Variants in FERMT1 observed in about 807,000 individuals in gnomAD.
FERMT1 encodes the protein fermitin family homolog 1.
In FERMT1, 60 loss-of-function variants were observed where a neutral mutation model predicts 85.3. The observed-to-expected ratio is 0.70, with a 90% CI of 0.57 to 0.87. The LOEUF is 0.87. Among genes scored for constraint, FERMT1 ranks in the 40% least tolerant of loss-of-function variants. The pLI, the probability that FERMT1 is intolerant of heterozygous loss-of-function variation, is 0.00. For missense variants in FERMT1, 701 were observed against 818.9 expected (o/e 0.86, Z 1.76); for synonymous variants, 275 against 301.1 (o/e 0.91, Z 0.90).
Position 6,107,609 on chromosome 20 carries a change from T to C in FERMT1, c.772A>G (p.Met258Val), listed in dbSNP as rs1352871070. 2 of 1,611,416 alleles carry C rather than the reference T, an allele frequency of 1.2e-6. No individual in the cohort carries two copies. The highest frequency in any genetic ancestry group is 1.7e-6 in the Non-Finnish European group (2 of 1,177,820). ...AGWLDSSRSL[M>V]EQGIQEDEQL... is the part of the protein sequence containing the mutation. ...TCATCCTCTTGGATGCCTTGTTCCA[T>C]AAGGGAGCGTGAGGAGTCTAGCCAA... Residue 258 changes from methionine (M) to valine (V), a missense_variant, in exon 6 of 15, where the codon ATG (methionine) becomes GTG (valine). Transcript: ENST00000217289.
intron 6 of FERMT1, among the ~76,000 whole-genome samples, chr20:6,101,287 G>A (rs113326015): frequency 3.9e-5 from 6 of 152,128 alleles, no homozygotes; most frequent in African/African-American, 1.4e-4. Flanking sequence ...AAGCACTTGC[G>A]AGATACTTTT....
Position 6,080,155 on chromosome 20 carries a change from AT to A in FERMT1, c.1719-579del, listed in dbSNP as rs869283207. Among the ~76,000 whole-genome samples the A allele has an allele frequency of 7.7e-3, 1,166 of 150,948 alleles. 18 individuals are homozygous for A. The highest frequency in any genetic ancestry group is 0.026 in the African/African-American group (1,075 of 41,190). ...GCAGAGGGCACAGCCACTTAAAAAAATTTTTTTTTTAATGTGCTTAAGGACC... is the reference window on the plus strand; with the variant it reads ...GCAGAGGGCACAGCCACTTAAAAAAATTTTTTTTTAATGTGCTTAAGGACC... On this transcript the variant is annotated intron_variant, in intron 13 of 14. Transcript: ENST00000217289.
intron 14 of FERMT1, 61 bp downstream of exon 14, chr20:6,079,375 G>A: frequency 9.8e-6 from 15 of 1,533,040 alleles, no homozygotes; most frequent in Non-Finnish European, 1.4e-5. Context: ...AGAATAATCT[G>A]CAATTCTGAG....
At chr20:6,097,111 T>A in intron 7 of FERMT1, 78 bp from the exon 8 acceptor site, 3 of 1,417,082 alleles carry the variant, frequency 2.1e-6, no homozygotes, top group Non-Finnish European at 3.0e-6. Flanking sequence ...AGCCATTTTT[T>A]TCTTTGAGGA....
chr20:6,079,721 G>A, intron 13 of FERMT1, 144 bp from the exon 14 acceptor site: 1 of 813,886 alleles, frequency 1.2e-6, no homozygotes, highest in South Asian at 1.7e-5. Flanking sequence ...TTTCTGCAGG[G>A]GGGCATTTTT....
chr20:6,088,916 G>A (rs765112131), intron 10 of FERMT1, 49 bp downstream of exon 10: 275 of 1,588,432 alleles, frequency 1.7e-4, no homozygotes, highest in Non-Finnish European at 2.2e-4. Flanking sequence ...GAGCCACCGC[G>A]TCTGCCCTGA....
In FERMT1 at chr20:6,076,681, C is replaced by T. The variant is rs1032444979; in HGVS notation, c.*492G>A. 3.0e-6 allele frequency: 1 copy of T among 330,262 alleles called. No individual in the cohort carries two copies. The highest frequency in any genetic ancestry group is 2.2e-5 in the African/African-American group (1 of 46,342). The allele number at this position is 330,262 out of a possible 1,614,324, so 20.5% of individuals were successfully genotyped here. A position where few individuals can be genotyped will look rare whatever the true frequency, so the allele number is the denominator to read the frequency against. ...CAGGGAAAAAGTGTGTGTAGGAACT[C>T]CCTCTGCCATTTTGAAAAGACAGGA... On this transcript the variant is annotated 3_prime_UTR_variant, in exon 15 of 15. Transcript: ENST00000217289.
At chr20:6,082,186 C>T (rs901261846) in intron 13 of FERMT1, among the ~76,000 whole-genome samples, 2 of 152,178 alleles carry the variant, frequency 1.3e-5, no homozygotes, top group African/African-American at 4.8e-5. Flanking sequence ...GAGGGAGGTG[C>T]AGGGGGAAGT....
intron 1 of FERMT1, among the ~76,000 whole-genome samples, chr20:6,120,813 AC>A (rs1255404566): frequency 2.0e-5 from 3 of 152,224 alleles, no homozygotes; most frequent in African/African-American, 7.2e-5. Context: ...GAGGGGCCAT[AC>A]ATTTCTTAAC....
intron 8 of FERMT1, 120 bp downstream of exon 8, chr20:6,096,782 C>CTTT (rs202086138): frequency 1.2e-3 from 641 of 533,084 alleles, no homozygotes; most frequent in South Asian, 2.7e-3. Flanking sequence ...TGAAGAGCAT[C>CTTT]TTTTTTTTTT....
intron 11 of FERMT1, 160 bp downstream of exon 11, chr20:6,087,617 T>C (rs752228391): frequency 2.9e-6 from 2 of 683,478 alleles, no homozygotes; most frequent in African/African-American, 3.5e-5. Context: ...CAAATGTTTA[T>C]TGTTAGAATG....
chr20:6,101,693 C>A (rs2123125692), intron 6 of FERMT1, among the ~76,000 whole-genome samples: 1 of 152,270 alleles, frequency 6.6e-6, no homozygotes, highest in South Asian at 2.1e-4. Context: ...TGCTCTGTTG[C>A]CCAGGCTGGA....
intron 4 of FERMT1, among the ~76,000 whole-genome samples, chr20:6,111,567 G>C (rs181601643): frequency 2.0e-5 from 3 of 152,288 alleles, no homozygotes; most frequent in Admixed American, 6.5e-5. Flanking sequence ...GGGAGGCAGA[G>C]GCTGCAATGA....
chr20:6,080,028 C>T (rs1285636557), intron 13 of FERMT1, among the ~76,000 whole-genome samples: 2 of 151,702 alleles, frequency 1.3e-5, no homozygotes, highest in Non-Finnish European at 2.9e-5. Context: ...AAGGTGGTTA[C>T]AGTTTGAAAC....
chr20:6,084,299 CCATT>C (rs1568654342), intron 12 of FERMT1, 135 bp from the exon 13 acceptor site: 2 of 950,506 alleles, frequency 2.1e-6, no homozygotes, highest in Non-Finnish European at 3.3e-6. Flanking sequence ...CCATTCTCAT[CCATT>C]CATTCTCTCT....
At chr20:6,088,851 T>C in intron 10 of FERMT1, 114 bp downstream of exon 10, 1 of 1,003,926 alleles carries the variant, frequency 1.0e-6, no homozygotes, top group Non-Finnish European at 1.5e-6. Context: ...CTCGAACTCC[T>C]GACCTCAGGT....
At chr20:6,101,382 G>T (rs1275832260) in intron 6 of FERMT1, among the ~76,000 whole-genome samples, 1 of 152,102 alleles carries the variant, frequency 6.6e-6, no homozygotes, top group Non-Finnish European at 1.5e-5. Flanking sequence ...GTTAAAAAAA[G>T]TGAGTCTGAC....
chr20:6,115,857 G>A lies in FERMT1; in HGVS notation c.339C>T (p.Phe113=). 6.2e-7 allele frequency: 1 copy of A among 1,614,158 alleles called. No individual in the cohort carries two copies. The highest frequency in any genetic ancestry group is 8.5e-7 in the Non-Finnish European group (1 of 1,180,030). ...TGACAGCTTTAAAAACCACAGCTGA[G>A]AAGCTGACTCGCAACCTCACCATCT... ...NLKMVRLRVS[F]SAVVFKAVSD... The change falls in exon 3 of 15, where the codon TTC becomes TTT. Residue 113 remains phenylalanine, a synonymous_variant. Coordinates refer to ENST00000217289, the MANE Select transcript of FERMT1 (RefSeq NM_017671.5).
At position 6,110,416 on chromosome 20, in the gene FERMT1, G is replaced by T. The variant is rs773308246; in HGVS notation, c.628C>A (p.Pro210Thr). The T allele has an allele frequency of 6.2e-7, 1 of 1,614,076 alleles. No homozygotes were observed. Among genetic ancestry groups the T allele is most frequent in the Non-Finnish European group, 8.5e-7 (1 of 1,179,998 alleles). Residue 210 changes from proline (P) to threonine (T), a missense_variant, in exon 5 of 15, where the codon CCT (proline) becomes ACT (threonine). Transcript: ENST00000217289. ...SSTMTWFSDS[P>T]LTEQNCSILA... ...ATGCTGCAGTTTTGTTCCGTCAAAG[G>T]GCTGTCACTGAACCAAGTCATGGTG...
Sources: gnomAD v4.1 joint callset for allele counts (sites outside exome capture counted in the v4.1 genomes callset) on GRCh38, gnomAD v4.1.1 for gene constraint, MANE v1.5 for transcripts, NCBI Gene and HGNC (gene_info 2026-07-23, HGNC 2026-07-21) for gene names.